FAM234A: variants seen among roughly 807,000 people sequenced by gnomAD.
FAM234A encodes family with sequence similarity 234 member A.
In FAM234A, 42 loss-of-function variants were observed where a neutral mutation model predicts 49.1. That is an observed-to-expected ratio of 0.86 (90% CI 0.67 to 1.11). The LOEUF is 1.11. FAM234A is among the 50% of genes least tolerant of loss of function. The pLI is 0.00. For synonymous variants in FAM234A, 369 were observed against 316.2 expected (o/e 1.17, Z -1.77); for missense variants, 815 against 745.2 (o/e 1.09, Z -1.09).
intron 1 of FAM234A, among the ~76,000 whole-genome samples, chr16:248,690 C>T (rs79728079): frequency 5.9e-5 from 9 of 151,728 alleles, no homozygotes; most frequent in Non-Finnish European, 1.0e-4. Flanking sequence ...TCCTGGCCAT[C>T]GCTCACTGCA....
At chr16:254,777 GC>G in intron 3 of FAM234A, 96 bp downstream of exon 3, 2 of 1,300,054 alleles carry the variant, frequency 1.5e-6, no homozygotes, top group Non-Finnish European at 2.1e-6. Flanking sequence ...TCTAGAAGTG[GC>G]CTTTAAACAG....
At chr16:268,781 C>T (rs2051785415), downstream of FAM234A, 1 of 1,549,942 alleles carries the variant, frequency 6.5e-7, no homozygotes, top group Non-Finnish European at 8.7e-7. Flanking sequence ...TCCAGGCTCA[C>T]ACTGGGCGAC....
intron 3 of FAM234A, 38 bp downstream of exon 3, chr16:254,719 A>G (rs773430583): frequency 1.2e-6 from 2 of 1,605,028 alleles, no homozygotes; most frequent in South Asian, 1.1e-5. Context: ...GGTCCAAAGC[A>G]GCTCTTCCCA....
chr16:238,111 C>G, intron 1 of FAM234A, among the ~76,000 whole-genome samples: 1 of 152,118 alleles, frequency 6.6e-6, no homozygotes, highest in Non-Finnish European at 1.5e-5. Context: ...CCCCGCCTCC[C>G]AGGTTCAAGC....
In FAM234A at chr16:262,349, T is replaced by G. The variant is rs1223325023; in HGVS notation, c.842-75T>G. ...CAGGAAGCCCAGGGGCCTGGCTCCATGTGGCACTGCGTGCCCCTGGTCCGG... is the reference window on the plus strand; with the variant it reads ...CAGGAAGCCCAGGGGCCTGGCTCCAGGTGGCACTGCGTGCCCCTGGTCCGG... On this transcript the variant is annotated intron_variant, in intron 7 of 12. Transcript: ENST00000399932. 6 of 1,558,384 alleles carry G rather than the reference T, an allele frequency of 3.9e-6. No individual in the cohort carries two copies. The African/African-American group carries it at 6.8e-5, about 18-fold the overall frequency.
At chr16:243,741 T>C (rs867335942) in intron 1 of FAM234A, among the ~76,000 whole-genome samples, 3 of 152,198 alleles carry the variant, frequency 2.0e-5, no homozygotes, top group Middle Eastern at 6.3e-3. Flanking sequence ...ACAGGCCTTA[T>C]TCGTGTTAAA....
At chr16:251,742 G>A (rs188446330) in intron 2 of FAM234A, among the ~76,000 whole-genome samples, 4 of 133,700 alleles carry the variant, frequency 3.0e-5, no homozygotes, top group African/African-American at 5.8e-5. Context: ...GGTGGCTCAT[G>A]CCTGTAATCC....
At chr16:238,519 C>T (rs536173993) in intron 1 of FAM234A, among the ~76,000 whole-genome samples, 1 of 152,052 alleles carries the variant, frequency 6.6e-6, no homozygotes, top group African/African-American at 2.4e-5. Flanking sequence ...GTAATCCCAG[C>T]CCTTTGGGAG....
At chr16:248,714 G>A (rs570222910) in intron 1 of FAM234A, among the ~76,000 whole-genome samples, 7 of 151,874 alleles carry the variant, frequency 4.6e-5, no homozygotes, top group Admixed American at 2.0e-4. Context: ...TTGACCTCCC[G>A]GGCTCAAGCA....
In FAM234A at chr16:265,313, G is replaced by T; in HGVS notation, c.*291G>T. On this transcript the variant is annotated 3_prime_UTR_variant, in exon 13 of 13. Transcript: ENST00000399932. ...CTCACACCAGGCAGCCTTCATAGTG[G>T]TCTCCCTGGCCACCTTGGGCAGAGC... is the stretch of plus-strand genomic sequence containing the variant. 1 of 1,214,524 alleles carries T rather than the reference G, an allele frequency of 8.2e-7. No homozygotes were observed. The highest frequency in any genetic ancestry group is 1.0e-6 in the Non-Finnish European group (1 of 971,808). The allele number at this position is 1,214,524 out of a possible 1,614,324, so 75.2% of individuals were successfully genotyped here.
intron 2 of FAM234A, among the ~76,000 whole-genome samples, chr16:253,353 ATATTT>A (rs1195215706): frequency 4.6e-5 from 7 of 152,030 alleles, no homozygotes; most frequent in African/African-American, 1.7e-4. Context: ...CTGTTTGAAT[ATATTT>A]TATTTTATTT....
chr16:243,014 C>A (rs1298300941), intron 1 of FAM234A, among the ~76,000 whole-genome samples: 2 of 149,004 alleles, frequency 1.3e-5, no homozygotes, highest in Non-Finnish European at 3.0e-5. Flanking sequence ...AGGTCTCACT[C>A]TGTTGCCCAA....
In FAM234A at chr16:264,689, G is replaced by A. The variant is rs537454812; in HGVS notation, c.1420G>A (p.Val474Ile). Reference protein sequence around the residue: ...LPRVLLELANVSTHIVAFDAV... With the variant: ...LPRVLLELANISTHIVAFDAV... Reference sequence around the variant, plus strand: ...GCGCGTGCTGCTGGAGCTGGCCAATGTCTCTACCCACATTGTCGCCTTTGA... The same window carrying A: ...GCGCGTGCTGCTGGAGCTGGCCAATATCTCTACCCACATTGTCGCCTTTGA... The change falls in exon 12 of 13, where the codon GTC becomes ATC. Residue 474 changes from valine to isoleucine, a missense_variant. Transcript: ENST00000399932. 1.1e-5 allele frequency: 17 copies of A among 1,611,964 alleles called. No homozygotes were observed. The highest frequency in any genetic ancestry group is 1.2e-5 in the Non-Finnish European group (14 of 1,179,928).
At chr16:243,778 C>T (rs560451451) in intron 1 of FAM234A, among the ~76,000 whole-genome samples, 3 of 152,224 alleles carry the variant, frequency 2.0e-5, no homozygotes, top group South Asian at 2.1e-4. Flanking sequence ...GTGGCCAGGC[C>T]GGTGTGAAAG....
chr16:261,207 C>T (rs952041265), intron 5 of FAM234A, 177 bp from the exon 6 acceptor site: 30 of 662,612 alleles, frequency 4.5e-5, no homozygotes, highest in African/African-American at 7.2e-5. Context: ...TGCTCCTTCA[C>T]GAGCACAGGA....
chr16:261,978 C>G (rs2051485348), intron 6 of FAM234A, 115 bp from the exon 7 acceptor site: 2 of 874,830 alleles, frequency 2.3e-6, no homozygotes, highest in African/African-American at 1.3e-4. Flanking sequence ...TCCCTCTCTT[C>G]CTGGGCCTTG....
chr16:263,603 C>T (rs1412157061), intron 9 of FAM234A, 97 bp from the exon 10 acceptor site: 9 of 1,277,216 alleles, frequency 7.0e-6, no homozygotes, highest in South Asian at 1.2e-5. Flanking sequence ...CAGATGTGGC[C>T]ATGGGAGACT....
chr16:237,235 C>T lies in FAM234A; in HGVS notation c.-140+2378C>T, dbSNP rs117919232. On this transcript the variant is annotated intron_variant, in intron 1 of 12. Coordinates refer to ENST00000399932, the MANE Select transcript of FAM234A (RefSeq NM_032039.4). ...TTTTTCTTTTCAGGCTCCTTGCTTC[C>T]ATTCTGCTGACTTCTAATGGTTGTC... 1.4e-4 allele frequency among the ~76,000 whole-genome samples: 22 copies of T among 152,144 alleles called. No individual in the cohort carries two copies. In the East Asian group the frequency reaches 3.7e-3, roughly 26 times the overall value.
intron 1 of FAM234A, among the ~76,000 whole-genome samples, chr16:235,083 G>T (rs1348841789): frequency 1.3e-5 from 2 of 152,246 alleles, no homozygotes; most frequent in Non-Finnish European, 2.9e-5. Context: ...TCTGGAGGCT[G>T]ATTCTTTCGG....
Sources: allele counts gnomAD v4.1 joint callset (sites outside exome capture counted in the v4.1 genomes callset), GRCh38; gene constraint gnomAD v4.1.1; transcripts MANE v1.5; gene names NCBI Gene and HGNC (gene_info 2026-07-23, HGNC 2026-07-21).